Variants in MCUB observed in about 807,000 individuals in gnomAD.
MCUB encodes the protein calcium uniporter regulatory subunit MCUb, mitochondrial.
In MCUB, 46 loss-of-function variants were observed where a neutral mutation model predicts 41.4. The ratio of observed to expected loss-of-function variants is 1.11; its 90% CI spans 0.88 to 1.42. The LOEUF (loss-of-function observed/expected upper bound fraction) is 1.42. MCUB is among the 40% of genes most tolerant of loss of function. The pLI is 0.00. For missense variants in MCUB, 403 were observed against 404.9 expected, an observed-to-expected ratio of 1.00 and a Z score of 0.04; for synonymous variants, 148 against 148.2, an observed-to-expected ratio of 1.00 and a Z score of 0.01.
intron 1 of MCUB, among the ~76,000 whole-genome samples, chr4:109,578,710 G>A (rs1040379358): frequency 6.6e-6 from 1 of 152,088 alleles, no homozygotes; most frequent in African/African-American, 2.4e-5. Flanking sequence ...GTCTCACTGT[G>A]TTCACACGCT....
In MCUB at chr4:109,628,136, G is replaced by A. The variant is rs370406253; in HGVS notation, c.100-30875G>A. Among the ~76,000 whole-genome samples, 28 of 152,240 alleles carry A rather than the reference G, an allele frequency of 1.8e-4. 1 individual carries two copies. Among genetic ancestry groups the A allele is most frequent in the East Asian group, 1.2e-3 (6 of 5,178 alleles). On this transcript the variant is annotated intron_variant, in intron 1 of 7. Transcript: ENST00000394650. ...CCTCTTGAGGAGGCAACATTTGAGC[G>A]AGTTCTGAATGATAAGGAGTTGGTG...
chr4:109,665,566 A>G (rs116208676), intron 4 of MCUB, among the ~76,000 whole-genome samples: 2 of 152,094 alleles, frequency 1.3e-5, no homozygotes, highest in Non-Finnish European at 2.9e-5. Context: ...TAACCTCCAT[A>G]CTCCCTTCAT....
intron 4 of MCUB, chr4:109,674,095 C>T (rs1383466617): frequency 1.1e-5 from 16 of 1,463,840 alleles, no homozygotes; most frequent in African/African-American, 7.0e-5. Context: ...TTCCATGTAT[C>T]GGGAATTCTG....
At chr4:109,659,603 A>C (rs913087777) in intron 2 of MCUB, among the ~76,000 whole-genome samples, 4 of 152,168 alleles carry the variant, frequency 2.6e-5, no homozygotes, top group African/African-American at 9.7e-5. Flanking sequence ...AGAAAAAAAA[A>C]CAAATAGTTT....
chr4:109,678,425 C>T (rs1270955289), intron 4 of MCUB, among the ~76,000 whole-genome samples: 1 of 150,054 alleles, frequency 6.7e-6, no homozygotes, highest in Admixed American at 6.6e-5. Context: ...GCGCTCCTCA[C>T]TTCCCAGATG....
At chr4:109,600,166 A>C (rs1727696543) in intron 1 of MCUB, among the ~76,000 whole-genome samples, 1 of 152,206 alleles carries the variant, frequency 6.6e-6, no homozygotes. Flanking sequence ...TGGCAATGGC[A>C]CTTTAATGTG....
At chr4:109,614,155 C>A (rs1378848757) in intron 1 of MCUB, among the ~76,000 whole-genome samples, 1 of 152,150 alleles carries the variant, frequency 6.6e-6, no homozygotes, top group African/African-American at 2.4e-5. Flanking sequence ...ACATTAACCC[C>A]CTCCCAGTGC....
chr4:109,582,491 G>A (rs1454960813), intron 1 of MCUB, among the ~76,000 whole-genome samples: 3 of 150,570 alleles, frequency 2.0e-5, no homozygotes, highest in Non-Finnish European at 4.4e-5. Context: ...AAACCTGCAC[G>A]TGGGGCACAT....
In MCUB at chr4:109,598,418, C is replaced by G. The variant is rs1579058008; in HGVS notation, c.99+37982C>G. 1.3e-5 allele frequency among the ~76,000 whole-genome samples: 2 copies of G among 152,170 alleles called. 1 individual carries two copies. The highest frequency in any genetic ancestry group is 4.1e-4 in the South Asian group (2 of 4,820). On this transcript the variant is annotated intron_variant, in intron 1 of 7. Coordinates refer to ENST00000394650, the MANE Select transcript of MCUB (RefSeq NM_017918.5). The stretch of plus-strand genomic sequence containing the variant: ...GACCGGCCAGGCCAACACAGCGAAA[C>G]CCCGTCTCCACCAAAAAAAATACGA...
intron 4 of MCUB, among the ~76,000 whole-genome samples, chr4:109,669,676 A>C (rs1579092739): frequency 6.7e-6 from 1 of 148,588 alleles, no homozygotes; most frequent in African/African-American, 2.5e-5. Flanking sequence ...GCTGTCCTAA[A>C]GTTCTTAGAT....
intron 4 of MCUB, among the ~76,000 whole-genome samples, chr4:109,676,214 T>C (rs1368890273): frequency 6.6e-6 from 1 of 152,168 alleles, no homozygotes; most frequent in African/African-American, 2.4e-5. Flanking sequence ...AGAGATTTAC[T>C]TAAGTGGTCA....
chr4:109,571,461 C>T (rs924695699), intron 1 of MCUB, among the ~76,000 whole-genome samples: 5 of 152,126 alleles, frequency 3.3e-5, no homozygotes, highest in African/African-American at 1.2e-4. Context: ...TATAGGCACA[C>T]GCCATCCTGC....
chr4:109,627,382 GAA>G (rs1219258242), intron 1 of MCUB, among the ~76,000 whole-genome samples: 1 of 152,134 alleles, frequency 6.6e-6, no homozygotes, highest in Non-Finnish European at 1.5e-5. Context: ...TCAGGGAATT[GAA>G]AGAGTCTAGG....
intron 1 of MCUB, among the ~76,000 whole-genome samples, chr4:109,586,427 T>C (rs1366535177): frequency 6.6e-6 from 1 of 152,176 alleles, no homozygotes; most frequent in Non-Finnish European, 1.5e-5. Context: ...TAGTTTGTTA[T>C]TACTGACCTT....
At chr4:109,571,990 C>T (rs943552941) in intron 1 of MCUB, among the ~76,000 whole-genome samples, 1 of 152,258 alleles carries the variant, frequency 6.6e-6, no homozygotes, top group African/African-American at 2.4e-5. Flanking sequence ...ACATCTGCCA[C>T]AGTCCCCTTG....
At chr4:109,570,269 A>G (rs1272940383) in intron 1 of MCUB, among the ~76,000 whole-genome samples, 11 of 152,134 alleles carry the variant, frequency 7.2e-5, no homozygotes, top group African/African-American at 2.4e-4. Flanking sequence ...TTCTCTGTAC[A>G]TTGTAATCTC....
chr4:109,634,972 GCCCCAGTGTGTGATGTTC>G (rs1321431872), intron 1 of MCUB, among the ~76,000 whole-genome samples: 1 of 151,294 alleles, frequency 6.6e-6, no homozygotes, highest in Non-Finnish European at 1.5e-5. Flanking sequence ...CCCCTGATAG[GCCCCAGTGTGTGATGTTC>G]CCCTCCCTGT....
At chr4:109,591,361 T>A (rs1727434020) in intron 1 of MCUB, among the ~76,000 whole-genome samples, 1 of 151,908 alleles carries the variant, frequency 6.6e-6, no homozygotes, top group Non-Finnish European at 1.5e-5. Context: ...AATTTTTGTA[T>A]TTTTAGTAGA....
chr4:109,591,989 G>A (rs915218453), intron 1 of MCUB, among the ~76,000 whole-genome samples: 6 of 152,056 alleles, frequency 3.9e-5, no homozygotes, highest in East Asian at 1.9e-4. Flanking sequence ...CGTGAGCCAC[G>A]ACGCCCAGCC....
Sources: gnomAD v4.1 joint callset for allele counts (sites outside exome capture counted in the v4.1 genomes callset) on GRCh38, gnomAD v4.1.1 for gene constraint, MANE v1.5 for transcripts, NCBI Gene and HGNC (gene_info 2026-07-23, HGNC 2026-07-21) for gene names.